Variants in GRM8 observed in about 807,000 individuals in gnomAD.
GRM8 encodes metabotropic glutamate receptor 8.
GRM8 carries 47 observed loss-of-function variants against 87.2 expected under a neutral mutation model. That is an observed-to-expected ratio of 0.54 (90% CI 0.43 to 0.69). The LOEUF (loss-of-function observed/expected upper bound fraction) is 0.69, where lower values mean the gene tolerates loss of function less well. Ranked by LOEUF, GRM8 falls within the 30% of genes least tolerant of loss-of-function variation. The pLI is 0.00. For synonymous variants in GRM8, 396 were observed against 404.5 expected (o/e 0.98, Z 0.25); for missense variants, 1,019 against 1,139.2 (o/e 0.89, Z 1.52).
rs577512247 is a variant in GRM8, at chr7:126,737,142, A to G, written c.1357+32723T>C. Among the ~76,000 whole-genome samples, 51 of 152,124 alleles carry G rather than the reference A, an allele frequency of 3.4e-4. 1 individual carries two copies. In the East Asian group the frequency reaches 9.3e-3, roughly 28 times the overall value. ...TAGGAATCATGCAGCTGGAGACTAC[A>G]AGATTCCGACCCTCCCCAAATTGCT... On this transcript the variant is annotated intron_variant, in intron 7 of 10. Transcript: ENST00000339582.
rs543483917 is a variant in GRM8, at chr7:126,547,542, A to AAATG, written c.1495-13659_1495-13656dup. On this transcript the variant is annotated intron_variant, in intron 8 of 10. Coordinates refer to ENST00000339582, the MANE Select transcript of GRM8 (RefSeq NM_000845.3). ...TAATTATAATTGATTATAATCTCAGAAATGAAGACTCAATAGAATAATTTG... is the reference window on the plus strand; with the variant it reads ...TAATTATAATTGATTATAATCTCAGAAATGAATGAAGACTCAATAGAATAATTTG... Among the ~76,000 whole-genome samples, 32 of 152,110 alleles carry AAATG rather than the reference A, an allele frequency of 2.1e-4. No homozygotes were observed. The East Asian group carries it at 2.1e-3, about 10-fold the overall frequency.
At chr7:127,034,699 C>T (rs1030039635) in intron 3 of GRM8, among the ~76,000 whole-genome samples, 1 of 152,160 alleles carries the variant, frequency 6.6e-6, no homozygotes, top group Non-Finnish European at 1.5e-5. Context: ...AGTGTTTTCA[C>T]TAGTACAAGC....
intron 6 of GRM8, among the ~76,000 whole-genome samples, chr7:126,856,228 CAT>C (rs1299518491): frequency 6.6e-6 from 1 of 152,094 alleles, no homozygotes; most frequent in East Asian, 1.9e-4. Context: ...GAAGAAATAT[CAT>C]ATCTTAAAAT....
chr7:126,537,519 G>A (rs550484240), intron 8 of GRM8, among the ~76,000 whole-genome samples: 1 of 152,306 alleles, frequency 6.6e-6, no homozygotes, highest in Admixed American at 6.5e-5. Context: ...GCTCAAGCTT[G>A]TAATCCTAGC....
chr7:126,654,002 C>A (rs533018795), intron 7 of GRM8, among the ~76,000 whole-genome samples: 85 of 152,304 alleles, frequency 5.6e-4, no homozygotes, highest in Non-Finnish European at 1.0e-3. Context: ...GTCCTAGAGT[C>A]CATATCGTGG....
At chr7:126,491,921 T>A (rs1032658492) in intron 9 of GRM8, among the ~76,000 whole-genome samples, 3 of 152,032 alleles carry the variant, frequency 2.0e-5, no homozygotes, top group African/African-American at 7.2e-5. Flanking sequence ...TTTGTTTGAA[T>A]CAGTATCTAA....
chr7:126,956,404 A>G (rs1444561335), intron 3 of GRM8, among the ~76,000 whole-genome samples: 1 of 152,248 alleles, frequency 6.6e-6, no homozygotes, highest in Admixed American at 6.5e-5. Flanking sequence ...TTGTTTGATT[A>G]CACACAGCAT....
intron 2 of GRM8, among the ~76,000 whole-genome samples, chr7:127,196,073 A>G (rs984254519): frequency 6.6e-6 from 1 of 152,240 alleles, no homozygotes; most frequent in Non-Finnish European, 1.5e-5. Flanking sequence ...CAAAATAAAA[A>G]CATAGATAAT....
chr7:127,142,754 C>G (rs765836233), intron 2 of GRM8, among the ~76,000 whole-genome samples: 19 of 151,982 alleles, frequency 1.3e-4, no homozygotes, highest in African/African-American at 3.6e-4. Flanking sequence ...GACAGCGAGA[C>G]AGATTGATTC....
chr7:126,710,478 T>G (rs1056752977), intron 7 of GRM8, among the ~76,000 whole-genome samples: 10 of 152,222 alleles, frequency 6.6e-5, no homozygotes, highest in African/African-American at 2.4e-4. Flanking sequence ...GTCATTTCAA[T>G]AATGTTCACA....
chr7:127,097,336 C>T (rs78608415), intron 3 of GRM8, among the ~76,000 whole-genome samples: 1 of 152,042 alleles, frequency 6.6e-6, no homozygotes, highest in Non-Finnish European at 1.5e-5. Context: ...CCAAGGATGA[C>T]AAAAACAGGA....
intron 3 of GRM8, among the ~76,000 whole-genome samples, chr7:127,015,049 GAA>G (rs1815347541): frequency 8.2e-6 from 1 of 122,220 alleles, no homozygotes; most frequent in Non-Finnish European, 1.8e-5. Context: ...AGAAGAAGAA[GAA>G]GAAGAAGAAG....
At chr7:126,580,935 C>T (rs1795550100) in intron 8 of GRM8, among the ~76,000 whole-genome samples, 1 of 151,116 alleles carries the variant, frequency 6.6e-6, no homozygotes, top group Non-Finnish European at 1.5e-5. Flanking sequence ...TATATTAGCA[C>T]ATTAAAGTCT....
intron 9 of GRM8, among the ~76,000 whole-genome samples, chr7:126,456,519 T>TAA (rs513): frequency 0.093 from 6,366 of 68,754 alleles, 742 homozygotes; most frequent in African/African-American, 0.12. Flanking sequence ...AGCAGCAAGC[T>TAA]AAAAAAAAAA....
chr7:126,534,895 T>A (rs957421102), intron 8 of GRM8, among the ~76,000 whole-genome samples: 1 of 152,158 alleles, frequency 6.6e-6, no homozygotes. Flanking sequence ...AAACAGTGAC[T>A]GGCATACAAT....
At chr7:127,038,499 T>TA (rs3840649) in intron 3 of GRM8, among the ~76,000 whole-genome samples, 113,944 of 152,084 alleles carry the variant, frequency 0.75, 43,973 homozygotes, top group African/African-American at 0.9. Flanking sequence ...ATTTAAGATC[T>TA]AAAGAACTGT....
intron 7 of GRM8, among the ~76,000 whole-genome samples, chr7:126,653,866 G>A (rs915000894): frequency 6.6e-6 from 1 of 152,194 alleles, no homozygotes; most frequent in African/African-American, 2.4e-5. Context: ...GCATTGTGGG[G>A]AAGAAGAGGA....
chr7:126,630,611 C>A (rs144842119), intron 7 of GRM8, among the ~76,000 whole-genome samples: 2 of 152,060 alleles, frequency 1.3e-5, no homozygotes, highest in Non-Finnish European at 2.9e-5. Context: ...CCTTGATGAA[C>A]ATCAATGGAA....
chr7:127,029,398 C>A (rs1042860333), intron 3 of GRM8, among the ~76,000 whole-genome samples: 1 of 152,170 alleles, frequency 6.6e-6, no homozygotes, highest in African/African-American at 2.4e-5. Context: ...TGTTAATTTT[C>A]TGTCTCATTG....
Sources: allele counts gnomAD v4.1 joint callset (sites outside exome capture counted in the v4.1 genomes callset), GRCh38; gene constraint gnomAD v4.1.1; transcripts MANE v1.5; gene names NCBI Gene and HGNC (gene_info 2026-07-23, HGNC 2026-07-21).